DIPK1C: variants seen among roughly 807,000 people sequenced by gnomAD.
DIPK1C encodes the protein familial non-conventional Alzheimer's dementia.
Under a neutral mutation model 28.0 loss-of-function variants are expected in DIPK1C, and 33 were observed. The observed-to-expected ratio is 1.18, with a 90% CI of 0.89 to 1.58. DIPK1C has a LOEUF of 1.58. Among genes scored for constraint, DIPK1C ranks in the 40% most tolerant of loss-of-function variants. The pLI is 0.00. For synonymous variants in DIPK1C, 255 were observed against 248.8 expected, an observed-to-expected ratio of 1.02 and a Z score of -0.23; for missense variants, 569 against 568.5, an observed-to-expected ratio of 1.00 and a Z score of -0.01.
intron 2 of DIPK1C, among the ~76,000 whole-genome samples, chr18:74,443,513 T>C (rs1986191300): frequency 6.6e-6 from 1 of 152,198 alleles, no homozygotes; most frequent in African/African-American, 2.4e-5. Context: ...GGTTTTAGTT[T>C]TTCATTCAGG....
chr18:74,452,623 T>C (rs1384474585), intron 1 of DIPK1C, among the ~76,000 whole-genome samples: 2 of 151,874 alleles, frequency 1.3e-5, no homozygotes, highest in Admixed American at 1.3e-4. Flanking sequence ...TGGGCCACAC[T>C]TATAGTCCCA....
upstream of DIPK1C, among the ~76,000 whole-genome samples, chr18:74,461,312 CTT>C (rs1479815388): frequency 1.3e-5 from 2 of 151,650 alleles, no homozygotes; most frequent in Non-Finnish European, 2.9e-5. Context: ...CCTCTCTTTT[CTT>C]TTTTTCTTTT....
chr18:74,457,731 C>CCA (rs1986552250), upstream of DIPK1C: 1 of 149,240 alleles, frequency 6.7e-6, no homozygotes, highest in African/African-American at 2.5e-5. Flanking sequence ...TTGTCCCCCC[C>CCA]CGTTTACCTC....
At chr18:74,451,499 C>T (rs150095382) in intron 1 of DIPK1C, among the ~76,000 whole-genome samples, 118 of 152,258 alleles carry the variant, frequency 7.7e-4, no homozygotes, top group African/African-American at 2.7e-3. Context: ...TGTGCCTCAT[C>T]GATGAAATAC....
intron 1 of DIPK1C, among the ~76,000 whole-genome samples, chr18:74,450,652 G>A (rs1436075958): frequency 2.6e-5 from 4 of 152,176 alleles, no homozygotes; most frequent in East Asian, 1.9e-4. Flanking sequence ...GACACCTGCC[G>A]GCCAAGAAGC....
chr18:74,458,174 C>T (rs1486653063), upstream of DIPK1C, among the ~76,000 whole-genome samples: 1 of 152,204 alleles, frequency 6.6e-6, no homozygotes, highest in Non-Finnish European at 1.5e-5. Context: ...ATGCTTCTCA[C>T]TCCCTGAACG....
At chr18:74,456,697 C>T (rs1431868333) in intron 1 of DIPK1C, among the ~76,000 whole-genome samples, 2 of 152,236 alleles carry the variant, frequency 1.3e-5, no homozygotes, top group African/African-American at 4.8e-5. Flanking sequence ...GCTTGCGCCC[C>T]GAGCCCGGCG....
chr18:74,456,251 A>G (rs918265763), intron 1 of DIPK1C, among the ~76,000 whole-genome samples: 4 of 152,218 alleles, frequency 2.6e-5, no homozygotes, highest in Non-Finnish European at 4.4e-5. Context: ...CAAGTTTCCA[A>G]TCAACTAAAG....
chr18:74,437,751 G>A (rs968431141), intron 3 of DIPK1C, among the ~76,000 whole-genome samples: 8 of 152,120 alleles, frequency 5.3e-5, no homozygotes, highest in African/African-American at 9.7e-5. Context: ...ACCTCACCCC[G>A]ATGCTCAGCT....
At chr18:74,459,643 A>C (rs1369854585), upstream of DIPK1C, among the ~76,000 whole-genome samples, 1 of 152,174 alleles carries the variant, frequency 6.6e-6, no homozygotes, top group Non-Finnish European at 1.5e-5. Context: ...GTTCTTTAGA[A>C]CACAGTTTGT....
At chr18:74,444,712 C>T (rs930927088) in intron 2 of DIPK1C, among the ~76,000 whole-genome samples, 1 of 152,148 alleles carries the variant, frequency 6.6e-6, no homozygotes, top group African/African-American at 2.4e-5. Context: ...GGTCGAGAAC[C>T]GGACTGGTGA....
At chr18:74,440,321 G>A (rs1213990728) in intron 3 of DIPK1C, among the ~76,000 whole-genome samples, 2 of 151,988 alleles carry the variant, frequency 1.3e-5, no homozygotes, top group African/African-American at 4.8e-5. Context: ...TCATTTCTAG[G>A]ACTGTATTCA....
chr18:74,457,027 C>A, intron 1 of DIPK1C, 35 bp downstream of exon 1: 5 of 1,387,374 alleles, frequency 3.6e-6, no homozygotes, highest in Non-Finnish European at 4.6e-6. Flanking sequence ...CCTCCCCGGA[C>A]GCGCGGCGCG....
intron 3 of DIPK1C, among the ~76,000 whole-genome samples, chr18:74,440,285 C>G (rs185676283): frequency 6.2e-4 from 95 of 152,180 alleles, no homozygotes; most frequent in Non-Finnish European, 1.3e-3. Context: ...TTCATATTTT[C>G]TCATATCCTT....
rs111895616 is a variant in DIPK1C at position 74,447,205 on chromosome 18, G to T, written c.277C>A (p.Arg93Ser). The change falls in exon 2 of 4, where the codon CGC becomes AGC. Residue 93 changes from arginine (R) to serine (S), a missense_variant. Arg to Ser is a moderately radical substitution (Grantham distance 110). Coordinates refer to ENST00000343998, the MANE Select transcript of DIPK1C (RefSeq NM_001044369.3). The surrounding 1 kb of genome is among the most constrained non-coding windows in gnomAD (Gnocchi z 4.1). Reference protein sequence around the residue: ...LCVAGELLFQRCLHYNRGKKV... With the variant: ...LCVAGELLFQSCLHYNRGKKV... ...TTGCCTCTGTTGTAGTGCAGGCAGC[G>T]TTGGAACAGCAGCTCTCCCGCCACA... 7.1e-6 allele frequency: 11 copies of T among 1,550,344 alleles called. No homozygotes were observed. Among genetic ancestry groups the T allele is most frequent in the Non-Finnish European group, 9.6e-6 (11 of 1,146,926 alleles).
upstream of DIPK1C, among the ~76,000 whole-genome samples, chr18:74,459,299 T>C (rs185680771): frequency 3.9e-5 from 6 of 152,364 alleles, no homozygotes; most frequent in Admixed American, 2.0e-4. Flanking sequence ...CATTCAGATC[T>C]ACATGGTGTT....
intron 1 of DIPK1C, among the ~76,000 whole-genome samples, chr18:74,455,732 AAAAG>A (rs1235680411): frequency 7.4e-5 from 11 of 149,008 alleles, no homozygotes; most frequent in African/African-American, 1.2e-4. Context: ...CCATAAAAAA[AAAAG>A]AAAAAGAAAA....
intron 1 of DIPK1C, among the ~76,000 whole-genome samples, chr18:74,450,362 T>A (rs969328606): frequency 6.6e-6 from 1 of 152,114 alleles, no homozygotes; most frequent in Non-Finnish European, 1.5e-5. Flanking sequence ...TAGAGAACCA[T>A]TGAAAAAGAA....
Position 74,457,279 on chromosome 18 carries a change from C to G in DIPK1C, c.-20G>C. The G allele has an allele frequency of 1.0e-6, 1 of 985,120 alleles. No homozygotes were observed. The highest frequency in any genetic ancestry group is 4.5e-5 in the South Asian group (1 of 22,130). 61.0% of individuals were successfully genotyped at this position (985,120 alleles called of 1,614,324 possible). A position where few individuals can be genotyped will look rare whatever the true frequency, so the allele number is the denominator to read the frequency against. On this transcript the variant is annotated 5_prime_UTR_variant, in exon 1 of 4. Transcript: ENST00000343998. ...CGCCATGGCCAGCCCTGCCCGCGCC[C>G]GGGCCCCACCGCCGCCCGCGCCCCG... is the stretch of plus-strand genomic sequence containing the variant.
Sources: allele counts gnomAD v4.1 joint callset (sites outside exome capture counted in the v4.1 genomes callset), GRCh38; gene constraint gnomAD v4.1.1; non-coding constraint Gnocchi (gnomAD v3.1); transcripts MANE v1.5; gene names NCBI Gene and HGNC (gene_info 2026-07-23, HGNC 2026-07-21).